Variants in PELI2 observed in about 807,000 individuals in gnomAD.
PELI2 encodes E3 ubiquitin-protein ligase pellino homolog 2.
PELI2 carries 23 observed loss-of-function variants against 42.3 expected under a neutral mutation model. The observed-to-expected ratio is 0.54, with a 90% CI of 0.39 to 0.77. The LOEUF is 0.77. Ranked by LOEUF, PELI2 falls within the 30% of genes least tolerant of loss-of-function variation. The pLI, the probability that PELI2 is intolerant of heterozygous loss-of-function variation, is 0.00. For synonymous variants in PELI2, 245 were observed against 212.2 expected, an observed-to-expected ratio of 1.15 and a Z score of -1.34; for missense variants, 463 against 553.2, an observed-to-expected ratio of 0.84 and a Z score of 1.64.
Position 56,248,416 on chromosome 14 carries a change from C to T in PELI2, c.208-31260C>T, listed in dbSNP as rs570090268. 1.6e-4 allele frequency among the ~76,000 whole-genome samples: 24 copies of T among 151,642 alleles called. No individual in the cohort carries two copies. In the East Asian group the frequency reaches 2.9e-3, roughly 18 times the overall value. ...AGAATTGAAGCACAGAGAATTAAAACAGCCCAGAAAAAGAAGCGATACATC... is the reference window on the plus strand; with the variant it reads ...AGAATTGAAGCACAGAGAATTAAAATAGCCCAGAAAAAGAAGCGATACATC... On this transcript the variant is annotated intron_variant, in intron 2 of 5. Transcript: ENST00000267460.
intron 1 of PELI2, among the ~76,000 whole-genome samples, chr14:56,155,403 A>C (rs1033219694): frequency 3.9e-5 from 6 of 152,134 alleles, no homozygotes; most frequent in African/African-American, 1.4e-4. Context: ...ATACAGCTTG[A>C]AACAATTCTT....
At chr14:56,181,486 A>G (rs779584524) in intron 2 of PELI2, among the ~76,000 whole-genome samples, 1 of 151,934 alleles carries the variant, frequency 6.6e-6, no homozygotes, top group Admixed American at 6.6e-5. Context: ...AGTATTGGTA[A>G]TGAAAGTTCA....
At chr14:56,279,878 A>G in intron 3 of PELI2, 101 bp downstream of exon 3, 1 of 501,936 alleles carries the variant, frequency 2.0e-6, no homozygotes, top group Non-Finnish European at 3.5e-6. Flanking sequence ...TCCAGGGGGA[A>G]AGAGTTGAAG....
In PELI2 at chr14:56,180,593, C is replaced by A. The variant is rs1249137424; in HGVS notation, c.207+2129C>A. Among the ~76,000 whole-genome samples the A allele has an allele frequency of 2.0e-5, 3 of 152,186 alleles. No individual in the cohort carries two copies. Among genetic ancestry groups the A allele is most frequent in the Non-Finnish European group, 4.4e-5 (3 of 68,030 alleles). ...CCAAGGGAGATGGGCAAACTAAGAGCAGACATATTTATTGTGAGCAGATCA... is the reference window on the plus strand; with the variant it reads ...CCAAGGGAGATGGGCAAACTAAGAGAAGACATATTTATTGTGAGCAGATCA... On this transcript the variant is annotated intron_variant, in intron 2 of 5. Coordinates refer to ENST00000267460, the MANE Select transcript of PELI2 (RefSeq NM_021255.3). This position sits in a 1 kb window ranked among gnomAD's most constrained non-coding sequence, Gnocchi z 4.4.
chr14:56,232,293 A>G (rs1210113119), intron 2 of PELI2, among the ~76,000 whole-genome samples: 3 of 152,242 alleles, frequency 2.0e-5, no homozygotes, highest in Middle Eastern at 3.4e-3. Context: ...AAAGCCAGGC[A>G]GAGACACAAC....
chr14:56,144,587 T>A (rs1165696927), intron 1 of PELI2, among the ~76,000 whole-genome samples: 1 of 152,214 alleles, frequency 6.6e-6, no homozygotes, highest in Non-Finnish European at 1.5e-5. Context: ...GACAATAGCC[T>A]GGCTGAATTG....
At chr14:56,211,401 C>G (rs1886707195) in intron 2 of PELI2, among the ~76,000 whole-genome samples, 1 of 152,198 alleles carries the variant, frequency 6.6e-6, no homozygotes, top group South Asian at 2.1e-4. Context: ...CTGGGTTACC[C>G]CCTCTACTCC....
chr14:56,140,517 C>T (rs188853395), intron 1 of PELI2, among the ~76,000 whole-genome samples: 6 of 152,238 alleles, frequency 3.9e-5, no homozygotes, highest in African/African-American at 1.4e-4. Flanking sequence ...AAAACAACTC[C>T]TGTTTTGAAA....
At chr14:56,226,227 C>T (rs922054327) in intron 2 of PELI2, among the ~76,000 whole-genome samples, 18 of 152,322 alleles carry the variant, frequency 1.2e-4, no homozygotes, top group East Asian at 7.7e-4. Flanking sequence ...GCAAGGATTT[C>T]GCTCCCAGGT....
intron 2 of PELI2, among the ~76,000 whole-genome samples, chr14:56,193,174 G>A (rs765541503): frequency 1.3e-5 from 2 of 152,154 alleles, no homozygotes; most frequent in African/African-American, 4.8e-5. Context: ...AGAAAGGCTG[G>A]TCTCAGTCCT....
intron 1 of PELI2, among the ~76,000 whole-genome samples, chr14:56,146,881 T>C (rs1387349707): frequency 6.6e-6 from 1 of 152,144 alleles, no homozygotes; most frequent in Non-Finnish European, 1.5e-5. Flanking sequence ...CATTACTTTA[T>C]ATGTTCATCA....
intron 2 of PELI2, among the ~76,000 whole-genome samples, chr14:56,196,578 C>T (rs1350189725): frequency 1.3e-5 from 2 of 152,202 alleles, no homozygotes; most frequent in Non-Finnish European, 2.9e-5. Flanking sequence ...CTGTCTTGCC[C>T]TCTGCACTGT....
intron 1 of PELI2, among the ~76,000 whole-genome samples, chr14:56,125,461 T>C (rs1383010328): frequency 6.6e-6 from 1 of 151,820 alleles, no homozygotes; most frequent in Non-Finnish European, 1.5e-5. Flanking sequence ...GATAAGGTAG[T>C]GGGGGATCCT....
chr14:56,280,095 A>G (rs191942503), intron 3 of PELI2, among the ~76,000 whole-genome samples: 1 of 152,172 alleles, frequency 6.6e-6, no homozygotes, highest in African/African-American at 2.4e-5. Flanking sequence ...CATTTGAATG[A>G]AAGGGACATC....
chr14:56,293,201 C>T (rs1392865695), intron 5 of PELI2, among the ~76,000 whole-genome samples: 1 of 152,200 alleles, frequency 6.6e-6, no homozygotes. Context: ...GTTGAATTCA[C>T]TACCCTGTGC....
chr14:56,258,265 A>G (rs908030065), intron 2 of PELI2, among the ~76,000 whole-genome samples: 1 of 152,168 alleles, frequency 6.6e-6, no homozygotes, highest in Non-Finnish European at 1.5e-5. Context: ...AACAAGTCCA[A>G]CACTCTTAAC....
At chr14:56,198,154 A>G (rs1886207890) in intron 2 of PELI2, among the ~76,000 whole-genome samples, 1 of 152,306 alleles carries the variant, frequency 6.6e-6, no homozygotes, top group Non-Finnish European at 1.5e-5. Context: ...ATTGTAATGT[A>G]TGGATGATGA....
At position 56,241,918 on chromosome 14, in the gene PELI2, T is replaced by G. The variant is rs76150289; in HGVS notation, c.208-37758T>G. Among the ~76,000 whole-genome samples, 10 of 152,122 alleles carry G rather than the reference T, an allele frequency of 6.6e-5. No individual in the cohort carries two copies. The East Asian group carries it at 1.9e-3, about 29-fold the overall frequency. On this transcript the variant is annotated intron_variant, in intron 2 of 5. Transcript: ENST00000267460. The stretch of plus-strand genomic sequence containing the variant: ...CTATTTAGCTGCTATAAGGATACAC[T>G]CCACTAAAATGAGGGAGCAAAATAA...
intron 2 of PELI2, among the ~76,000 whole-genome samples, chr14:56,237,155 AT>A (rs1273222431): frequency 6.6e-6 from 1 of 152,064 alleles, no homozygotes; most frequent in African/African-American, 2.4e-5. Context: ...GTCAGGTCCT[AT>A]TTATTATTGA....
Sources: allele counts gnomAD v4.1 joint callset (sites outside exome capture counted in the v4.1 genomes callset), GRCh38; gene constraint gnomAD v4.1.1; non-coding constraint Gnocchi (gnomAD v3.1); transcripts MANE v1.5; gene names NCBI Gene and HGNC (gene_info 2026-07-23, HGNC 2026-07-21).